Variants in C4orf51 observed in about 807,000 individuals in gnomAD.
C4orf51 encodes the protein uncharacterized protein C4orf51.
Under a neutral mutation model 25.2 loss-of-function variants are expected in C4orf51, and 25 were observed. The ratio of observed to expected loss-of-function variants is 0.99; its 90% CI spans 0.72 to 1.39. The LOEUF (loss-of-function observed/expected upper bound fraction) is 1.39, where lower values mean the gene tolerates loss of function less well. Among genes scored for constraint, C4orf51 ranks in the 40% most tolerant of loss-of-function variants. The pLI is 0.00. For synonymous variants in C4orf51, 100 were observed against 84.5 expected, an observed-to-expected ratio of 1.18 and a Z score of -1.01; for missense variants, 252 against 239.6, an observed-to-expected ratio of 1.05 and a Z score of -0.34.
intron 2 of C4orf51, among the ~76,000 whole-genome samples, chr4:145,709,258 G>A (rs752131443): frequency 2.6e-5 from 4 of 152,254 alleles, no homozygotes; most frequent in Non-Finnish European, 5.9e-5. Context: ...AAGGGCCACA[G>A]AGTGAGGCCC....
the C4orf51 span, chr4:145,779,596 C>T: frequency 1.3e-6 from 2 of 1,517,454 alleles, no homozygotes; most frequent in Middle Eastern, 1.8e-4. Flanking sequence ...TTCAGCAGAG[C>T]CTTCTCTCTG....
At chr4:145,692,355 AG>A (rs1329563709) in intron 1 of C4orf51, among the ~76,000 whole-genome samples, 2 of 152,242 alleles carry the variant, frequency 1.3e-5, no homozygotes, top group African/African-American at 4.8e-5. Flanking sequence ...CAAAAAAACC[AG>A]CCCAAACCAA....
At chr4:145,764,303 A>G (rs892458823) in intron 1 of C4orf51, among the ~76,000 whole-genome samples, 1 of 152,096 alleles carries the variant, frequency 6.6e-6, no homozygotes, top group African/African-American at 2.4e-5. Context: ...ACATTTCTTG[A>G]GGGTGGAAAT....
At chr4:145,753,717 T>C (rs997035030) in intron 1 of C4orf51, among the ~76,000 whole-genome samples, 3 of 152,176 alleles carry the variant, frequency 2.0e-5, no homozygotes, top group Non-Finnish European at 4.4e-5. Context: ...GGCTTGAGGC[T>C]GCCTGCAGAG....
chr4:145,702,291 C>T (rs1172339540), intron 2 of C4orf51, among the ~76,000 whole-genome samples: 2 of 151,664 alleles, frequency 1.3e-5, no homozygotes, highest in African/African-American at 2.4e-5. Context: ...ACATACTCTC[C>T]TATCCTCAAT....
Position 145,732,681 on chromosome 4 carries a change from C to A in C4orf51, c.*121C>A. ...CCGCCCAGGAACGTCTGGACCCTGG[C>A]AGGTTGGCTTTCTGGGACAATTCCA... On this transcript the variant is annotated 3_prime_UTR_variant, in exon 6 of 6. Coordinates refer to ENST00000438731, the MANE Select transcript of C4orf51 (RefSeq NM_001080531.3). 1.7e-6 allele frequency: 1 copy of A among 580,206 alleles called. No individual in the cohort carries two copies. The highest frequency in any genetic ancestry group is 3.0e-6 in the Non-Finnish European group (1 of 335,286). The allele number at this position is 580,206 out of a possible 1,614,324, so 35.9% of individuals were successfully genotyped here.
chr4:145,761,706 G>T lies in C4orf51; in HGVS notation n.167-9282G>T. 1.5e-6 allele frequency: 1 copy of T among 673,364 alleles called. No individual in the cohort carries two copies. Among genetic ancestry groups the T allele is most frequent in the African/African-American group, 1.9e-5 (1 of 52,806 alleles). 41.7% of individuals were successfully genotyped at this position (673,364 alleles called of 1,614,324 possible). ...CTCACACCACCCCCCAGTGTCTGAGGCCTGGCCTGCCCAGCCCAGCCCAGC... is the reference window on the plus strand; with the variant it reads ...CTCACACCACCCCCCAGTGTCTGAGTCCTGGCCTGCCCAGCCCAGCCCAGC... On this transcript the variant is annotated intron_variant and non_coding_transcript_variant, in intron 1 of 1. Transcript: ENST00000510096. This position sits in a 1 kb window ranked among gnomAD's most constrained non-coding sequence, Gnocchi z 6.8.
Position 145,763,159 on chromosome 4 carries a change from G to C in C4orf51, n.167-7829G>C. On this transcript the variant is annotated intron_variant and non_coding_transcript_variant, in intron 1 of 1. Transcript: ENST00000510096. This position sits in a 1 kb window ranked among gnomAD's most constrained non-coding sequence, Gnocchi z 4.6. ...GAAAAATAATAGTATAATCTTATTT[G>C]ATCTGCATTATGAACAGGATATAGA... 2 of 1,533,514 alleles carry C rather than the reference G, an allele frequency of 1.3e-6. No homozygotes were observed. The highest frequency in any genetic ancestry group is 1.7e-6 in the Non-Finnish European group (2 of 1,144,730). 95.0% of individuals were successfully genotyped at this position (1,533,514 alleles called of 1,614,324 possible). A position where few individuals can be genotyped will look rare whatever the true frequency, so the allele number is the denominator to read the frequency against.
At chr4:145,699,412 C>T (rs1730284485) in intron 2 of C4orf51, among the ~76,000 whole-genome samples, 1 of 151,662 alleles carries the variant, frequency 6.6e-6, no homozygotes, top group African/African-American at 2.4e-5. Flanking sequence ...TCACCAATTT[C>T]AAATCCGGTA....
intron 2 of C4orf51, among the ~76,000 whole-genome samples, chr4:145,712,747 T>C (rs906932914): frequency 6.6e-6 from 1 of 152,244 alleles, no homozygotes; most frequent in Admixed American, 6.5e-5. Flanking sequence ...CTAAACAATA[T>C]ATTTTCCATG....
At chr4:145,771,885 T>C (rs1413092796), downstream of C4orf51, among the ~76,000 whole-genome samples, 3 of 152,192 alleles carry the variant, frequency 2.0e-5, no homozygotes, top group Non-Finnish European at 4.4e-5. Context: ...GAAAATCAAA[T>C]TAGAGAACAA....
chr4:145,759,858 T>G (rs894492337), intron 1 of C4orf51: 6 of 152,194 alleles, frequency 3.9e-5, no homozygotes, highest in Non-Finnish European at 8.8e-5. Flanking sequence ...ACATTTCTTT[T>G]TCCTGCAAAC....
At chr4:145,695,609 A>T (rs1382613222) in intron 1 of C4orf51, among the ~76,000 whole-genome samples, 2 of 152,128 alleles carry the variant, frequency 1.3e-5, no homozygotes, top group African/African-American at 4.8e-5. Context: ...GTTTAACCAG[A>T]TCCCCTTTGT....
chr4:145,734,676 A>G (rs1732706818), downstream of C4orf51, among the ~76,000 whole-genome samples: 1 of 152,180 alleles, frequency 6.6e-6, no homozygotes, highest in African/African-American at 2.4e-5. Flanking sequence ...AACAAAAGCA[A>G]AGTAATAACA....
chr4:145,726,528 G>A (rs1732068174), intron 2 of C4orf51, among the ~76,000 whole-genome samples: 1 of 151,952 alleles, frequency 6.6e-6, no homozygotes, highest in Non-Finnish European at 1.5e-5. Flanking sequence ...TAGCCTCCCT[G>A]GTAGCTGGAA....
At chr4:145,690,135 A>C (rs1232524272) in intron 1 of C4orf51, among the ~76,000 whole-genome samples, 2 of 151,152 alleles carry the variant, frequency 1.3e-5, no homozygotes, top group Non-Finnish European at 2.9e-5. Context: ...TGAACCCGGG[A>C]GGCGGAGGTT....
At chr4:145,730,685 A>T (rs1732408558) in intron 5 of C4orf51, among the ~76,000 whole-genome samples, 1 of 136,256 alleles carries the variant, frequency 7.3e-6, no homozygotes, top group African/African-American at 2.8e-5. Context: ...TGGGTTTGAT[A>T]TGCTCGTTAT....
the C4orf51 span, among the ~76,000 whole-genome samples, chr4:145,777,353 GTTTAATAACAT>G: frequency 6.6e-6 from 1 of 152,178 alleles, no homozygotes; most frequent in Non-Finnish European, 1.5e-5. Context: ...ATTTGGAAAG[GTTTAATAACAT>G]TGGAATTTCC....
In C4orf51 at chr4:145,762,433, C is replaced by A. The variant is rs910065031; in HGVS notation, n.167-8555C>A. 2.0e-5 allele frequency among the ~76,000 whole-genome samples: 3 copies of A among 152,204 alleles called. No homozygotes were observed. The highest frequency in any genetic ancestry group is 7.2e-5 in the African/African-American group (3 of 41,444). The stretch of plus-strand genomic sequence containing the variant: ...TAATAATCCAACTGGATTGGAAATT[C>A]TCAGAGGGCAGGACCATATCTTACA... On this transcript the variant is annotated intron_variant and non_coding_transcript_variant, in intron 1 of 1. Transcript: ENST00000510096. The surrounding 1 kb of genome is among the most constrained non-coding windows in gnomAD (Gnocchi z 4.9).
Sources: allele counts gnomAD v4.1 joint callset (sites outside exome capture counted in the v4.1 genomes callset), GRCh38; gene constraint gnomAD v4.1.1; non-coding constraint Gnocchi (gnomAD v3.1); transcripts MANE v1.5; gene names NCBI Gene and HGNC (gene_info 2026-07-23, HGNC 2026-07-21).